Variants in UCK2 observed in about 807,000 individuals in gnomAD.
UCK2 encodes cytidine monophosphokinase 2.
In UCK2, 6 loss-of-function variants were observed where a neutral mutation model predicts 30.8. The observed-to-expected ratio is 0.19, with a 90% confidence interval of 0.11 to 0.38. The LOEUF is 0.38. Ranked by LOEUF, UCK2 falls within the 10% of genes least tolerant of loss-of-function variation. The pLI is 1.00. For synonymous variants in UCK2, 125 were observed against 133.6 expected (o/e 0.94, Z 0.45); for missense variants, 210 against 339.8 (o/e 0.62, Z 3.00).
At chr1:165,830,032 G>A (rs936825074) in intron 1 of UCK2, among the ~76,000 whole-genome samples, 1 of 152,060 alleles carries the variant, frequency 6.6e-6, no homozygotes, top group African/African-American at 2.4e-5. Context: ...TTGAGACAGG[G>A]TCTCACTCTT....
chr1:165,908,512 A>G lies in UCK2; in HGVS notation c.*689A>G, dbSNP rs1287489383. Reference sequence around the variant, plus strand: ...AGGGAAGAGGCCCACTGAGGAGAACAAGTCTTCTGCATTTTCTTCCTGCCC... The same window carrying G: ...AGGGAAGAGGCCCACTGAGGAGAACGAGTCTTCTGCATTTTCTTCCTGCCC... On this transcript the variant is annotated 3_prime_UTR_variant, in exon 7 of 7. Transcript: ENST00000367879. 6.6e-6 allele frequency: 1 copy of G among 151,124 alleles called. No homozygotes were observed. Among genetic ancestry groups the G allele is most frequent in the South Asian group, 2.1e-4 (1 of 4,778 alleles). 9.4% of individuals were successfully genotyped at this position (151,124 alleles called of 1,614,324 possible).
intron 1 of UCK2, among the ~76,000 whole-genome samples, chr1:165,849,826 T>C (rs1276477215): frequency 1.3e-5 from 2 of 152,152 alleles, no homozygotes; most frequent in African/African-American, 4.8e-5. Flanking sequence ...TTGCTCAAGG[T>C]AGTTTTCTTT....
At chr1:165,902,886 A>G in intron 4 of UCK2, 1 of 227,864 alleles carries the variant, frequency 4.4e-6, no homozygotes, top group East Asian at 9.4e-5. Flanking sequence ...TCACACTGAA[A>G]TTTTGTTTGG....
intron 1 of UCK2, among the ~76,000 whole-genome samples, chr1:165,859,982 G>C (rs556395377): frequency 6.6e-6 from 1 of 152,162 alleles, no homozygotes; most frequent in African/African-American, 2.4e-5. Context: ...CCTTGTGCGG[G>C]ACCAGTCTTT....
chr1:165,883,508 C>G (rs904793305), intron 1 of UCK2, among the ~76,000 whole-genome samples: 2 of 152,296 alleles, frequency 1.3e-5, no homozygotes, highest in African/African-American at 4.8e-5. Flanking sequence ...CTTAGTCACA[C>G]TATTGGTCCT....
chr1:165,875,810 TCCAGGA>T, intron 1 of UCK2, among the ~76,000 whole-genome samples: 1 of 152,262 alleles, frequency 6.6e-6, no homozygotes, highest in African/African-American at 2.4e-5. Flanking sequence ...TGTGCCACCC[TCCAGGA>T]ACCTCCAGGT....
In UCK2 at chr1:165,905,220, C is replaced by T. The variant is rs534161659; in HGVS notation, c.598-701C>T. ...GAACTTGGTTGGGTGCAGTGGCTCA[C>T]GCCTGTAATCCTGGGACTTTGGGAG... On this transcript the variant is annotated intron_variant, in intron 5 of 6. Transcript: ENST00000367879. Among the ~76,000 whole-genome samples, 16 of 152,306 alleles carry T rather than the reference C, an allele frequency of 1.1e-4. No individual in the cohort carries two copies. In the South Asian group the frequency reaches 2.1e-3, roughly 20 times the overall value.
At chr1:165,827,982 C>T (rs1009798610) in intron 1 of UCK2, 50 bp downstream of exon 1, 144 of 1,240,034 alleles carry the variant, frequency 1.2e-4, no homozygotes, top group Non-Finnish European at 1.4e-4. Flanking sequence ...TGTCCCTGGG[C>T]GGCGCATGTG....
At chr1:165,877,658 C>T (rs1022997043) in intron 1 of UCK2, among the ~76,000 whole-genome samples, 2 of 152,132 alleles carry the variant, frequency 1.3e-5, no homozygotes, top group Admixed American at 6.5e-5. Context: ...TAACCATCGG[C>T]GTAATGAAGG....
At chr1:165,897,027 G>A (rs1460289111) in intron 4 of UCK2, among the ~76,000 whole-genome samples, 1 of 152,222 alleles carries the variant, frequency 6.6e-6, no homozygotes, top group Non-Finnish European at 1.5e-5. Flanking sequence ...GAGGAAGAAG[G>A]GTTGGGACTT....
At chr1:165,855,555 A>G (rs1261070833) in intron 1 of UCK2, among the ~76,000 whole-genome samples, 1 of 141,144 alleles carries the variant, frequency 7.1e-6, no homozygotes, top group African/African-American at 2.7e-5. Flanking sequence ...GTCTGGGCTG[A>G]CTGAGACCCA....
At chr1:165,864,751 C>T (rs1655006123) in intron 1 of UCK2, among the ~76,000 whole-genome samples, 1 of 152,196 alleles carries the variant, frequency 6.6e-6, no homozygotes, top group Non-Finnish European at 1.5e-5. Context: ...ATGATCATAG[C>T]TCACTGCAGC....
rs116031251 is a variant in UCK2, at chr1:165,840,164, C to G, written c.99+12232C>G. 7.1e-3 allele frequency among the ~76,000 whole-genome samples: 1,088 copies of G among 152,378 alleles called. 16 individuals are homozygous for G. The highest frequency in any genetic ancestry group is 0.025 in the African/African-American group (1,020 of 41,588). ...GAATTCCCGACCTCAAGTTATCCCC[C>G]GGCATTGGCCTCCCAAAGTGCTGGG... is the stretch of plus-strand genomic sequence containing the variant. On this transcript the variant is annotated intron_variant, in intron 1 of 6. Coordinates refer to ENST00000367879, the MANE Select transcript of UCK2 (RefSeq NM_012474.5).
chr1:165,860,398 T>C (rs1417400604), intron 1 of UCK2, among the ~76,000 whole-genome samples: 2 of 152,144 alleles, frequency 1.3e-5, no homozygotes, highest in Non-Finnish European at 2.9e-5. Flanking sequence ...ATAATTCATC[T>C]CCCTGCAGTT....
rs755586517 is a variant in UCK2 at position 165,827,882 on chromosome 1, G to A, written c.49G>A (p.Gly17Ser). 1.4e-6 allele frequency: 2 copies of A among 1,480,372 alleles called. No individual in the cohort carries two copies. Among genetic ancestry groups the A allele is most frequent in the Non-Finnish European group, 1.8e-6 (2 of 1,108,696 alleles). 91.7% of individuals were successfully genotyped at this position (1,480,372 alleles called of 1,614,324 possible). A position where few individuals can be genotyped will look rare whatever the true frequency, so the allele number is the denominator to read the frequency against. Reference sequence around the variant, plus strand: ...CCTGCAGAACCACCAGCAGCCCAACGGCGGCGAGCCCTTCCTTATAGGCGT... The same window carrying A: ...CCTGCAGAACCACCAGCAGCCCAACAGCGGCGAGCCCTTCCTTATAGGCGT... ...QTLQNHQQPN[G>S]GEPFLIGVSG... Residue 17 changes from glycine to serine, a missense_variant, in exon 1 of 7, where the codon GGC becomes AGC. Gly to Ser is a moderately conservative substitution (Grantham distance 56). Transcript: ENST00000367879.
chr1:165,856,777 T>C (rs530995076), intron 1 of UCK2, among the ~76,000 whole-genome samples: 3 of 152,278 alleles, frequency 2.0e-5, no homozygotes, highest in Non-Finnish European at 4.4e-5. Context: ...TAGGCAAGTT[T>C]ATTGGAACAC....
At chr1:165,830,853 G>A (rs1468869221) in intron 1 of UCK2, among the ~76,000 whole-genome samples, 1 of 152,128 alleles carries the variant, frequency 6.6e-6, no homozygotes, top group East Asian at 1.9e-4. Flanking sequence ...GGGCAACATA[G>A]TGAGACCCCA....
In UCK2 at chr1:165,908,370, C is replaced by G. The variant is rs1647745014; in HGVS notation, c.*547C>G. On this transcript the variant is annotated 3_prime_UTR_variant, in exon 7 of 7. Transcript: ENST00000367879. Reference sequence around the variant, plus strand: ...ATTGCCTCCTCTGTCACATGCCACTCTTGGAGCTGGAGCTTAGTGATATGT... The same window carrying G: ...ATTGCCTCCTCTGTCACATGCCACTGTTGGAGCTGGAGCTTAGTGATATGT... 1 of 149,934 alleles carries G rather than the reference C, an allele frequency of 6.7e-6. No homozygotes were observed. The highest frequency in any genetic ancestry group is 2.5e-5 in the African/African-American group (1 of 40,524). The allele number at this position is 149,934 out of a possible 1,614,324, so 9.3% of individuals were successfully genotyped here. A position where few individuals can be genotyped will look rare whatever the true frequency, so the allele number is the denominator to read the frequency against.
chr1:165,907,780 C>T lies in UCK2; in HGVS notation c.743C>T (p.Ser248Leu), dbSNP rs1277606009. The change falls in exon 7 of 7, where the codon TCA becomes TTA. Residue 248 changes from serine (S) to leucine (L), a missense_variant. Ser to Leu is a moderately radical substitution (Grantham distance 145). Coordinates refer to ENST00000367879, the MANE Select transcript of UCK2 (RefSeq NM_012474.5). ...GGCTGTCTCAACGGCTACACCCCTT[C>T]ACGCAAGAGGCAGGCATCGGAGTCC... ...TNGCLNGYTP[S>L]RKRQASESSS... 1 of 1,614,208 alleles carries T rather than the reference C, an allele frequency of 6.2e-7. No individual in the cohort carries two copies.
Sources: allele counts gnomAD v4.1 joint callset (sites outside exome capture counted in the v4.1 genomes callset), GRCh38; gene constraint gnomAD v4.1.1; transcripts MANE v1.5; gene names NCBI Gene and HGNC (gene_info 2026-07-23, HGNC 2026-07-21).